WWC1: variants seen among roughly 807,000 people sequenced by gnomAD.
The protein encoded by WWC1 is WW and C2 domain containing 1.
A neutral mutation model predicts 138.4 loss-of-function variants in WWC1; 55 were observed. The observed-to-expected ratio is 0.40, with a 90% confidence interval of 0.32 to 0.50. The LOEUF (loss-of-function observed/expected upper bound fraction) is 0.50, where lower values mean the gene tolerates loss of function less well. WWC1 is among the 20% of genes least tolerant of loss of function. The probability of loss-of-function intolerance (pLI) is 0.72; values close to 1 mark genes in which losing one functional copy is unlikely to be tolerated. For missense variants in WWC1, 1,226 were observed against 1,420.4 expected, an observed-to-expected ratio of 0.86 and a Z score of 2.20; for synonymous variants, 524 against 564.9, an observed-to-expected ratio of 0.93 and a Z score of 1.03.
chr5:168,323,624 C>A (rs1772306539), intron 1 of WWC1, among the ~76,000 whole-genome samples: 1 of 152,098 alleles, frequency 6.6e-6, no homozygotes, highest in African/African-American at 2.4e-5. Flanking sequence ...AGGACTTTAG[C>A]AATTTGTGGG....
At chr5:168,295,563 C>T (rs1280087997) in intron 1 of WWC1, among the ~76,000 whole-genome samples, 1 of 151,122 alleles carries the variant, frequency 6.6e-6, no homozygotes, top group Admixed American at 6.6e-5. Flanking sequence ...TGGAGATGCC[C>T]ACCCATTCCC....
chr5:168,370,087 G>GAC (rs111416719), intron 1 of WWC1, among the ~76,000 whole-genome samples: 99,300 of 150,908 alleles, frequency 0.66, 32,783 homozygotes, highest in South Asian at 0.71. Flanking sequence ...TTTTAGTAGA[G>GAC]AGAGTTTCAC....
intron 10 of WWC1, among the ~76,000 whole-genome samples, chr5:168,422,727 A>G (rs922221314): frequency 3.9e-5 from 6 of 152,252 alleles, no homozygotes; most frequent in Non-Finnish European, 4.4e-5. Context: ...GTGGAATTCA[A>G]TAACATTTTG....
At chr5:168,402,727 T>C (rs569899322) in intron 5 of WWC1, among the ~76,000 whole-genome samples, 3 of 152,208 alleles carry the variant, frequency 2.0e-5, no homozygotes, top group Non-Finnish European at 4.4e-5. Context: ...GTGACAGGGC[T>C]GAAACCCAGG....
chr5:168,426,756 C>T lies in WWC1; in HGVS notation c.1811-1277C>T, dbSNP rs191346607. ...CATCGCCGTCCCCGGCCTGCCATGC[C>T]CTGGACTCTGTGCCCCTCAATGCTG... On this transcript the variant is annotated intron_variant, in intron 11 of 22. Transcript: ENST00000265293. Among the ~76,000 whole-genome samples, 3 of 152,332 alleles carry T rather than the reference C, an allele frequency of 2.0e-5. No homozygotes were observed. The East Asian group carries it at 5.8e-4, about 29-fold the overall frequency.
chr5:168,406,080 A>G (rs1779764938), intron 5 of WWC1, 118 bp from the exon 6 acceptor site: 3 of 1,293,184 alleles, frequency 2.3e-6, no homozygotes, highest in Non-Finnish European at 3.2e-6. Flanking sequence ...AAGGGTTAGC[A>G]GGACAGAGGG....
In WWC1 at chr5:168,391,658, C is replaced by CAA. The variant is rs568054198; in HGVS notation, c.434-6054_434-6053dup. Among the ~76,000 whole-genome samples the CAA allele has an allele frequency of 1.7e-3, 140 of 82,810 alleles. 8 individuals are homozygous for CAA. Among genetic ancestry groups the CAA allele is most frequent in the South Asian group, 3.4e-3 (9 of 2,658 alleles). The allele number at this position is 82,810 out of a possible 152,430, so 54.3% of individuals were successfully genotyped here. On this transcript the variant is annotated intron_variant, in intron 3 of 22. Coordinates refer to ENST00000265293, the MANE Select transcript of WWC1 (RefSeq NM_015238.3). Reference sequence around the variant, plus strand: ...TGGGCAACAGAGCAACACTCCGTCTCAAAAAAAAAAAAACAAAAAAACTAA... The same window carrying CAA: ...TGGGCAACAGAGCAACACTCCGTCTCAAAAAAAAAAAAAAACAAAAAAACTAA...
At chr5:168,435,946 C>G (rs1235872895) in intron 15 of WWC1, among the ~76,000 whole-genome samples, 1 of 151,850 alleles carries the variant, frequency 6.6e-6, no homozygotes, top group Non-Finnish European at 1.5e-5. Flanking sequence ...GGGTCCAAAC[C>G]ATTCTCCTGC....
chr5:168,468,361 C>G (rs1757471887), intron 22 of WWC1, among the ~76,000 whole-genome samples: 1 of 151,962 alleles, frequency 6.6e-6, no homozygotes, highest in Non-Finnish European at 1.5e-5. Flanking sequence ...GAGGTGCTAT[C>G]TTGCCATGCT....
chr5:168,406,404 A>G (rs991204806), intron 6 of WWC1, 77 bp downstream of exon 6: 44 of 1,578,880 alleles, frequency 2.8e-5, no homozygotes, highest in Non-Finnish European at 3.4e-5. Flanking sequence ...TATGCGGGCT[A>G]TTTCCACGTG....
At chr5:168,388,027 C>T (rs564503090) in intron 3 of WWC1, among the ~76,000 whole-genome samples, 8 of 152,216 alleles carry the variant, frequency 5.3e-5, no homozygotes, top group African/African-American at 1.9e-4. Flanking sequence ...AATCACATGT[C>T]AGGTAATGAG....
At chr5:168,352,918 A>G (rs1441532954) in intron 1 of WWC1, among the ~76,000 whole-genome samples, 6 of 152,142 alleles carry the variant, frequency 3.9e-5, no homozygotes, top group Non-Finnish European at 8.8e-5. Flanking sequence ...AAATAGTACC[A>G]TCTCACAAGA....
chr5:168,455,419 C>T lies in WWC1; in HGVS notation c.2722C>T (p.Arg908Trp), dbSNP rs549137219. Reference sequence around the variant, plus strand: ...CCCCACAGTGGTGCGACCTAAGGACCGGAGAGTGGGCACCCCGTCCCAGGG... The same window carrying T: ...CCCCACAGTGGTGCGACCTAAGGACTGGAGAGTGGGCACCCCGTCCCAGGG... ...PSPTVVRPKD[R>W]RVGTPSQGPF... Residue 908 changes from arginine (R) to tryptophan (W), a missense_variant, in exon 19 of 23, where the codon CGG (arginine) becomes TGG (tryptophan). By Grantham distance (101) the Arg-to-Trp change is moderately radical. Coordinates refer to ENST00000265293, the MANE Select transcript of WWC1 (RefSeq NM_015238.3). 2.3e-5 allele frequency: 37 copies of T among 1,611,686 alleles called. No individual in the cohort carries two copies. The highest frequency in any genetic ancestry group is 1.7e-4 in the Middle Eastern group (1 of 6,056).
Position 168,428,067 on chromosome 5 carries a change from G to A in WWC1, c.1845G>A (p.Val615=). The A allele has an allele frequency of 6.2e-7, 1 of 1,613,834 alleles. No homozygotes were observed. The highest frequency in any genetic ancestry group is 8.5e-7 in the Non-Finnish European group (1 of 1,179,834). The change falls in exon 12 of 23, where the codon GTG becomes GTA. Residue 615 remains valine (V), a synonymous_variant. Coordinates refer to ENST00000265293, the MANE Select transcript of WWC1 (RefSeq NM_015238.3). The stretch of plus-strand genomic sequence containing the variant: ...CGGCCCAGGGGTGTGGCCTGAAAGT[G>A]GCCTGTGTCTCAGCCGCCGTATCGG... The part of the protein sequence containing the change: ...VNTAQGCGLK[V]ACVSAAVSDE...
intron 18 of WWC1, among the ~76,000 whole-genome samples, chr5:168,455,126 C>T (rs964333815): frequency 6.6e-6 from 1 of 152,200 alleles, no homozygotes; most frequent in African/African-American, 2.4e-5. Context: ...TCCCACCAGT[C>T]CCCAACCACA....
At chr5:168,410,459 C>CTG (rs1561724249) in intron 8 of WWC1, among the ~76,000 whole-genome samples, 1 of 152,252 alleles carries the variant, frequency 6.6e-6, no homozygotes, top group East Asian at 1.9e-4. Context: ...TGTGGCTTCA[C>CTG]AGAATCCTAA....
intron 1 of WWC1, among the ~76,000 whole-genome samples, chr5:168,370,605 A>G (rs1776676680): frequency 6.6e-6 from 1 of 152,262 alleles, no homozygotes; most frequent in Admixed American, 6.5e-5. Flanking sequence ...GGGGCCACCC[A>G]GGCTGAATCT....
intron 6 of WWC1, among the ~76,000 whole-genome samples, chr5:168,407,914 A>T (rs1368401930): frequency 6.6e-6 from 1 of 151,718 alleles, no homozygotes; most frequent in East Asian, 1.9e-4. Context: ...CCAGGCTGGA[A>T]TGCAGTGGCA....
At chr5:168,356,020 GA>G in intron 1 of WWC1, among the ~76,000 whole-genome samples, 1 of 152,282 alleles carries the variant, frequency 6.6e-6, no homozygotes, top group South Asian at 2.1e-4. Context: ...GGGGCTTCTG[GA>G]AAGCCCCAGG....
Sources: allele counts gnomAD v4.1 joint callset (sites outside exome capture counted in the v4.1 genomes callset), GRCh38; gene constraint gnomAD v4.1.1; transcripts MANE v1.5; gene names NCBI Gene and HGNC (gene_info 2026-07-23, HGNC 2026-07-21).